SIN3B: variants seen among roughly 807,000 people sequenced by gnomAD.
SIN3B encodes the protein SIN3 transcription regulator family member B.
A neutral mutation model predicts 120.2 loss-of-function variants in SIN3B; 19 were observed. The ratio of observed to expected loss-of-function variants is 0.16; its 90% CI spans 0.11 to 0.23. SIN3B has a LOEUF of 0.23. Ranked by LOEUF, SIN3B falls within the 10% of genes least tolerant of loss-of-function variation. SIN3B has a pLI of 1.00. For missense variants in SIN3B, 1,073 were observed against 1,573.0 expected, an observed-to-expected ratio of 0.68 and a Z score of 5.38; for synonymous variants, 654 against 653.2, an observed-to-expected ratio of 1.00 and a Z score of -0.02.
At chr19:16,856,466 T>C (rs1291906049) in intron 8 of SIN3B, among the ~76,000 whole-genome samples, 2 of 151,870 alleles carry the variant, frequency 1.3e-5, no homozygotes, top group Non-Finnish European at 2.9e-5. Context: ...CAATAGAATC[T>C]CACAAATAAA....
intron 5 of SIN3B, among the ~76,000 whole-genome samples, chr19:16,849,522 T>C (rs1006996542): frequency 6.6e-6 from 1 of 152,168 alleles, no homozygotes; most frequent in Non-Finnish European, 1.5e-5. Context: ...TGATAAAAAA[T>C]TTTATTTATG....
At chr19:16,873,809 G>A (rs956598565) in intron 14 of SIN3B, among the ~76,000 whole-genome samples, 5 of 152,194 alleles carry the variant, frequency 3.3e-5, no homozygotes, top group South Asian at 2.1e-4. Context: ...TGCTCACTGC[G>A]GGCCCCTCCA....
Position 16,869,445 on chromosome 19 carries a change from C to T in SIN3B, c.1807-15C>T, listed in dbSNP as rs1029355380. ...TGGGTGGCTTTCCACCTAATGGCCGCCCTTCCCCCCACAGCACCAGGAGCA... is the reference window on the plus strand; with the variant it reads ...TGGGTGGCTTTCCACCTAATGGCCGTCCTTCCCCCCACAGCACCAGGAGCA... On this transcript the variant is annotated splice_polypyrimidine_tract_variant and intron_variant, in intron 12 of 18. Coordinates refer to ENST00000248054, the MANE Select transcript of SIN3B (RefSeq NM_001297595.2). The T allele has an allele frequency of 3.1e-6, 5 of 1,593,936 alleles. No individual in the cohort carries two copies. Among genetic ancestry groups the T allele is most frequent in the South Asian group, 2.2e-5 (2 of 89,588 alleles).
intron 14 of SIN3B, among the ~76,000 whole-genome samples, chr19:16,874,592 T>C (rs1236722412): frequency 6.6e-6 from 1 of 151,174 alleles, no homozygotes; most frequent in Non-Finnish European, 1.5e-5. Context: ...TCTGGTTTGG[T>C]GTGGTTTTGG....
At chr19:16,866,832 C>T (rs962939052) in intron 12 of SIN3B, among the ~76,000 whole-genome samples, 5 of 152,220 alleles carry the variant, frequency 3.3e-5, no homozygotes, top group African/African-American at 1.2e-4. Flanking sequence ...TCTCAGCTCA[C>T]TGTAACCTCA....
Position 16,876,019 on chromosome 19 carries a change from G to A in SIN3B, c.2593-36G>A, listed in dbSNP as rs1212637952. 3.3e-6 allele frequency: 5 copies of A among 1,527,600 alleles called. No individual in the cohort carries two copies. In the African/African-American group the frequency reaches 4.1e-5, roughly 13 times the overall value. 94.6% of individuals were successfully genotyped at this position (1,527,600 alleles called of 1,614,324 possible). A position where few individuals can be genotyped will look rare whatever the true frequency, so the allele number is the denominator to read the frequency against. ...GGTGAGGTGGGGACTCCCGCAGGAG[G>A]CGGGGTGGCCGCACCACCTGCTTTC... On this transcript the variant is annotated intron_variant, in intron 14 of 18. Coordinates refer to ENST00000248054, the MANE Select transcript of SIN3B (RefSeq NM_001297595.2). The surrounding 1 kb of genome is among the most constrained non-coding windows in gnomAD (Gnocchi z 7.1).
Position 16,876,444 on chromosome 19 carries a change from G to A in SIN3B, c.2767-42G>A, listed in dbSNP as rs1320303853. On this transcript the variant is annotated intron_variant, in intron 15 of 18. Coordinates refer to ENST00000248054, the MANE Select transcript of SIN3B (RefSeq NM_001297595.2). This position sits in a 1 kb window ranked among gnomAD's most constrained non-coding sequence, Gnocchi z 7.1. ...TGCGAGCCTGCGCTGTGCCGGCTGG[G>A]CTGTGCCGGCAGTGGAGGCTGTCAG... The A allele has an allele frequency of 1.3e-6, 2 of 1,596,444 alleles. No individual in the cohort carries two copies. Among genetic ancestry groups the A allele is most frequent in the Non-Finnish European group, 1.7e-6 (2 of 1,166,892 alleles).
At chr19:16,848,183 T>C (rs1971502459) in intron 5 of SIN3B, among the ~76,000 whole-genome samples, 1 of 152,388 alleles carries the variant, frequency 6.6e-6, no homozygotes, top group East Asian at 1.9e-4. Context: ...TTCTGCCTTT[T>C]GGCTGTTGTG....
In SIN3B at chr19:16,854,036, A is replaced by G. The variant is rs191983368; in HGVS notation, c.940-107A>G. The G allele has an allele frequency of 5.3e-5, 38 of 716,342 alleles. No homozygotes were observed. In the East Asian group the frequency reaches 7.8e-4, roughly 15 times the overall value. 44.4% of individuals were successfully genotyped at this position (716,342 alleles called of 1,614,324 possible). A position where few individuals can be genotyped will look rare whatever the true frequency, so the allele number is the denominator to read the frequency against. ...GCACAGATATCATTTACTTATAGAC[A>G]CAGTTGGTTCCCATATCGCACACCC... On this transcript the variant is annotated intron_variant, in intron 7 of 18. Coordinates refer to ENST00000248054, the MANE Select transcript of SIN3B (RefSeq NM_001297595.2).
Position 16,849,307 on chromosome 19 carries a change from T to C in SIN3B, c.727-2105T>C, listed in dbSNP as rs1314146325. On this transcript the variant is annotated intron_variant, in intron 5 of 18. Transcript: ENST00000248054. ...ACAGGCTTTGCAGGCCAGTTGATCT[T>C]TGTGTAAAGATTCACCTCTGCCCTA... Among the ~76,000 whole-genome samples the C allele has an allele frequency of 2.6e-5, 4 of 152,336 alleles. 1 individual carries two copies. The highest frequency in any genetic ancestry group is 4.1e-4 in the South Asian group (2 of 4,832).
chr19:16,877,007 G>A (rs562272129), intron 16 of SIN3B: 85 of 195,368 alleles, frequency 4.4e-4, no homozygotes, highest in African/African-American at 1.9e-3. Flanking sequence ...CTCACCTCCC[G>A]CATCCTGGTG....
chr19:16,855,954 G>A (rs960360539), intron 8 of SIN3B, among the ~76,000 whole-genome samples: 7 of 152,172 alleles, frequency 4.6e-5, no homozygotes, highest in African/African-American at 7.2e-5. Flanking sequence ...CTACTTAGGA[G>A]GCTGAGCTAG....
chr19:16,866,082 G>A (rs1971768154), intron 11 of SIN3B, among the ~76,000 whole-genome samples: 1 of 152,166 alleles, frequency 6.6e-6, no homozygotes, highest in African/African-American at 2.4e-5. Flanking sequence ...CCCTCTCTTG[G>A]GACTCACAGC....
chr19:16,869,355 C>T, intron 12 of SIN3B, 105 bp from the exon 13 acceptor site: 1 of 1,419,710 alleles, frequency 7.0e-7, no homozygotes, highest in South Asian at 1.4e-5. Flanking sequence ...CTGGGCAGCG[C>T]TCATCCACCT....
intron 1 of SIN3B, 53 bp from the exon 2 acceptor site, chr19:16,829,738 T>G (rs1599583740): frequency 7.2e-7 from 1 of 1,380,172 alleles, no homozygotes; most frequent in East Asian, 2.8e-5. Context: ...CCCCGGCCCC[T>G]CGTCCCCTCG....
At chr19:16,852,165 C>T (rs908699586) in intron 6 of SIN3B, among the ~76,000 whole-genome samples, 2 of 152,188 alleles carry the variant, frequency 1.3e-5, no homozygotes, top group African/African-American at 2.4e-5. Context: ...CTCGCTCTGT[C>T]ACCCAGGCTG....
chr19:16,872,201 T>A (rs1303612192), intron 14 of SIN3B, among the ~76,000 whole-genome samples: 1 of 151,918 alleles, frequency 6.6e-6, no homozygotes, highest in Non-Finnish European at 1.5e-5. Flanking sequence ...GAAAAAAAGC[T>A]GGAAAAAAAA....
intron 3 of SIN3B, among the ~76,000 whole-genome samples, chr19:16,832,154 T>C (rs1245540623): frequency 6.6e-6 from 1 of 152,030 alleles, no homozygotes; most frequent in African/African-American, 2.4e-5. Flanking sequence ...TGGCTTTGCT[T>C]TGGTCCCTTT....
chr19:16,851,472 C>G lies in SIN3B; in HGVS notation c.787C>G (p.Pro263Ala). The change falls in exon 6 of 19, where the codon CCG becomes GCG. Residue 263 changes from proline to alanine, a missense_variant. By Grantham distance (27) the Pro-to-Ala change is conservative. Transcript: ENST00000248054. ...GCAGAAGAACGAGCACGACAAGACCCCGGAGCACAGCAGGAAGCGCTCCCG... is the reference window on the plus strand; with the variant it reads ...GCAGAAGAACGAGCACGACAAGACCGCGGAGCACAGCAGGAAGCGCTCCCG... Reference protein sequence around the residue: ...SVQKNEHDKTPEHSRKRSRPS... With the variant: ...SVQKNEHDKTAEHSRKRSRPS... The G allele has an allele frequency of 6.2e-7, 1 of 1,610,324 alleles. No individual in the cohort carries two copies. Among genetic ancestry groups the G allele is most frequent in the Non-Finnish European group, 8.5e-7 (1 of 1,178,546 alleles).
Sources: gnomAD v4.1 joint callset for allele counts (sites outside exome capture counted in the v4.1 genomes callset) on GRCh38, gnomAD v4.1.1 for gene constraint, Gnocchi (gnomAD v3.1) non-coding constraint, MANE v1.5 for transcripts, NCBI Gene and HGNC (gene_info 2026-07-23, HGNC 2026-07-21) for gene names.